VPS13D: variants seen among roughly 807,000 people sequenced by gnomAD.
VPS13D encodes the protein vacuolar protein sorting 13 homolog D.
In VPS13D, 187 loss-of-function variants were observed where a neutral mutation model predicts 461.9. The observed-to-expected ratio is 0.40, with a 90% CI of 0.36 to 0.46. The LOEUF is 0.46. Ranked by LOEUF, VPS13D falls within the 20% of genes least tolerant of loss-of-function variation. The pLI is 0.60. For missense variants in VPS13D, 4,711 were observed against 5,364.9 expected (o/e 0.88, Z 3.81); for synonymous variants, 1,951 against 1,986.3 (o/e 0.98, Z 0.47).
chr1:12,357,695 A>C lies in VPS13D; in HGVS notation c.9999-764A>C, dbSNP rs371108504. 3.3e-5 allele frequency among the ~76,000 whole-genome samples: 5 copies of C among 152,158 alleles called. No homozygotes were observed. In the South Asian group the frequency reaches 8.3e-4, roughly 25 times the overall value. On this transcript the variant is annotated intron_variant, in intron 49 of 69. Transcript: ENST00000620676. ...TCCATGACAGGACACTGGCCCACTA[A>C]ACAGTGCTTTGCTATTGTAATAGTA...
intron 58 of VPS13D, among the ~76,000 whole-genome samples, chr1:12,384,863 T>A (rs1224086918): frequency 6.6e-6 from 1 of 152,176 alleles, no homozygotes; most frequent in Non-Finnish European, 1.5e-5. Context: ...TCAAGCGATC[T>A]TCCCACCTTA....
chr1:12,265,444 T>A (rs1275854715), intron 13 of VPS13D, among the ~76,000 whole-genome samples: 1 of 152,144 alleles, frequency 6.6e-6, no homozygotes, highest in African/African-American at 2.4e-5. Flanking sequence ...AGCCTCAACT[T>A]TTATTATTCA....
rs1645588058 is a variant in VPS13D, at chr1:12,473,396, A to G, written c.12662+13000A>G. 6.6e-6 allele frequency among the ~76,000 whole-genome samples: 1 copy of G among 152,206 alleles called. No individual in the cohort carries two copies. The highest frequency in any genetic ancestry group is 1.5e-5 in the Non-Finnish European group (1 of 68,036). ...AGGAAGCAAGAAGGGGTTCCGCAGC[A>G]CTGGCTGCTTCCGGCATCTGCAGTG... On this transcript the variant is annotated intron_variant, in intron 67 of 69. Transcript: ENST00000620676. This position sits in a 1 kb window ranked among gnomAD's most constrained non-coding sequence, Gnocchi z 4.2.
At chr1:12,459,785 A>G (rs920690382) in intron 66 of VPS13D, among the ~76,000 whole-genome samples, 2 of 151,892 alleles carry the variant, frequency 1.3e-5, no homozygotes, top group Non-Finnish European at 2.9e-5. Context: ...CCTCTGCCTT[A>G]TATTTCATAG....
At chr1:12,415,853 T>A (rs1644786913) in intron 64 of VPS13D, among the ~76,000 whole-genome samples, 1 of 152,044 alleles carries the variant, frequency 6.6e-6, no homozygotes, top group Non-Finnish European at 1.5e-5. Flanking sequence ...CAGATATCAC[T>A]GGAACCTGGG....
intron 24 of VPS13D, among the ~76,000 whole-genome samples, chr1:12,296,396 ATAATT>A (rs759010919): frequency 3.3e-5 from 5 of 152,246 alleles, no homozygotes; most frequent in Non-Finnish European, 7.3e-5. Flanking sequence ...CTTTTATAAA[ATAATT>A]TAGATTGAGA....
chr1:12,474,880 T>C (rs892563756), intron 67 of VPS13D, among the ~76,000 whole-genome samples: 1 of 152,176 alleles, frequency 6.6e-6, no homozygotes, highest in African/African-American at 2.4e-5. Flanking sequence ...TCTTAGAACA[T>C]ATGATAAGTA....
Position 12,291,137 on chromosome 1 carries a change from A to T in VPS13D, c.5852+13A>T. ...TCCAGACTTTTAAGTAAAAATGTCA[A>T]TCTTTTTCTGACTTGATATTTTATC... is the stretch of plus-strand genomic sequence containing the variant. On this transcript the variant is annotated intron_variant, in intron 23 of 69. Coordinates refer to ENST00000620676, the MANE Select transcript of VPS13D (RefSeq NM_015378.4). 3 of 1,608,030 alleles carry T rather than the reference A, an allele frequency of 1.9e-6. No homozygotes were observed. The highest frequency in any genetic ancestry group is 2.5e-6 in the Non-Finnish European group (3 of 1,178,048).
At chr1:12,329,306 C>T (rs1045375223) in intron 36 of VPS13D, among the ~76,000 whole-genome samples, 24 of 152,024 alleles carry the variant, frequency 1.6e-4, no homozygotes, top group Admixed American at 4.6e-4. Flanking sequence ...CTCCGCCTCC[C>T]GGGTCCAAGC....
chr1:12,447,462 G>A (rs1385099350), intron 65 of VPS13D, among the ~76,000 whole-genome samples: 1 of 152,284 alleles, frequency 6.6e-6, no homozygotes, highest in East Asian at 1.9e-4. Flanking sequence ...CATGACGAAC[G>A]TTGTTGGCTG....
chr1:12,468,110 C>T (rs576591434), intron 67 of VPS13D, among the ~76,000 whole-genome samples: 1 of 152,292 alleles, frequency 6.6e-6, no homozygotes, highest in African/African-American at 2.4e-5. Flanking sequence ...TCTGTAGTCC[C>T]TTCTGTGTTC....
rs1014668269 is a variant in VPS13D, at chr1:12,283,878, A to T, written c.5634+142A>T. ...TCTAGTCTTCTAGGTGTTTGCTACGAAAGGTAGACATGAATATTTTGGGAA... is the reference window on the plus strand; with the variant it reads ...TCTAGTCTTCTAGGTGTTTGCTACGTAAGGTAGACATGAATATTTTGGGAA... On this transcript the variant is annotated intron_variant, in intron 21 of 69. Coordinates refer to ENST00000620676, the MANE Select transcript of VPS13D (RefSeq NM_015378.4). 4.5e-6 allele frequency: 4 copies of T among 884,782 alleles called. No individual in the cohort carries two copies. In the African/African-American group the frequency reaches 6.8e-5, roughly 15 times the overall value. The allele number at this position is 884,782 out of a possible 1,614,324, so 54.8% of individuals were successfully genotyped here.
At chr1:12,254,192 A>T (rs235230) in intron 7 of VPS13D, among the ~76,000 whole-genome samples, 6,275 of 152,144 alleles carry the variant, frequency 0.041, 255 homozygotes, top group African/African-American at 0.11. Context: ...ACACATCGAG[A>T]TGTTTTCCAT....
At chr1:12,490,528 A>G (rs569528081) in intron 67 of VPS13D, among the ~76,000 whole-genome samples, 6 of 152,362 alleles carry the variant, frequency 3.9e-5, no homozygotes, top group African/African-American at 1.4e-4. Flanking sequence ...TCGTCTTTAG[A>G]AGTAGATGCA....
intron 26 of VPS13D, among the ~76,000 whole-genome samples, chr1:12,308,003 C>T (rs1405883338): frequency 1.3e-5 from 2 of 152,008 alleles, no homozygotes; most frequent in East Asian, 1.9e-4. Flanking sequence ...TGGAAATGGA[C>T]GTGGTTACAT....
At chr1:12,417,758 T>C (rs1296564097) in intron 65 of VPS13D, among the ~76,000 whole-genome samples, 3 of 152,220 alleles carry the variant, frequency 2.0e-5, no homozygotes, top group Admixed American at 6.5e-5. Context: ...TCGTTAATAA[T>C]GTGTGAAAGC....
chr1:12,257,376 GT>G (rs1173957121), intron 9 of VPS13D, among the ~76,000 whole-genome samples: 3 of 152,152 alleles, frequency 2.0e-5, no homozygotes, highest in African/African-American at 4.8e-5. Context: ...GATCTGGTGT[GT>G]ATTATAAATA....
chr1:12,343,143 G>T (rs1031340014), intron 42 of VPS13D, 92 bp downstream of exon 42: 20 of 1,047,142 alleles, frequency 1.9e-5, no homozygotes, highest in Admixed American at 6.1e-5. Flanking sequence ...CCTTATAAAT[G>T]ATTTTATTTT....
At chr1:12,471,020 G>T (rs1393074450) in intron 67 of VPS13D, among the ~76,000 whole-genome samples, 8 of 152,018 alleles carry the variant, frequency 5.3e-5, no homozygotes, top group Non-Finnish European at 1.2e-4. Flanking sequence ...GAACAATGGG[G>T]GCCAGGCATG....
Sources: allele counts gnomAD v4.1 joint callset (sites outside exome capture counted in the v4.1 genomes callset), GRCh38; gene constraint gnomAD v4.1.1; non-coding constraint Gnocchi (gnomAD v3.1); transcripts MANE v1.5; gene names NCBI Gene and HGNC (gene_info 2026-07-23, HGNC 2026-07-21).